Variants in DUSP16 observed in about 807,000 individuals in gnomAD.
DUSP16 encodes the protein dual specificity phosphatase 16.
A neutral mutation model predicts 58.3 loss-of-function variants in DUSP16; 21 were observed. That is an observed-to-expected ratio of 0.36 (90% confidence interval 0.26 to 0.52). The LOEUF (loss-of-function observed/expected upper bound fraction) is 0.52, where lower values mean the gene tolerates loss of function less well. Among genes scored for constraint, DUSP16 ranks in the 20% least tolerant of loss-of-function variants. The probability of loss-of-function intolerance (pLI) is 0.94; values close to 1 mark genes in which losing one functional copy is unlikely to be tolerated. For missense variants in DUSP16, 726 were observed against 819.0 expected (o/e 0.89, Z 1.39); for synonymous variants, 320 against 323.8 (o/e 0.99, Z 0.12).
intron 1 of DUSP16, among the ~76,000 whole-genome samples, chr12:12,554,184 G>A (rs1444756058): frequency 5.0e-5 from 5 of 99,026 alleles, no homozygotes; most frequent in Admixed American, 1.3e-4. Flanking sequence ...GTGACAGAGT[G>A]AAACTGGGTC....
At chr12:12,522,361 C>T (rs1944249851) in intron 1 of DUSP16, among the ~76,000 whole-genome samples, 1 of 152,174 alleles carries the variant, frequency 6.6e-6, no homozygotes, top group Admixed American at 6.5e-5. Context: ...TAAAGCTGAA[C>T]CCAGTGCTTC....
At chr12:12,513,565 G>A (rs896854172) in intron 3 of DUSP16, among the ~76,000 whole-genome samples, 1 of 152,134 alleles carries the variant, frequency 6.6e-6, no homozygotes, top group Non-Finnish European at 1.5e-5. Flanking sequence ...TTCCTCATTT[G>A]TAAATGAAAG....
In DUSP16 at chr12:12,477,072, G is replaced by A. The variant is rs1259179639; in HGVS notation, c.1759C>T (p.Leu587=). ...ASYSAYSCSQ[L]PTCGDQVYSV... ...TAGACTTGGTCTCCGCAAGTGGGCA[G>A]CTGGCTGCAGCTGTAGGCAGAGTAA... Residue 587 remains leucine (L), a synonymous_variant, in exon 7 of 7, where the codon CTG becomes TTG. Coordinates refer to ENST00000298573, the MANE Select transcript of DUSP16 (RefSeq NM_030640.3). The surrounding 1 kb of genome is among the most constrained non-coding windows in gnomAD (Gnocchi z 4.1). The A allele has an allele frequency of 6.2e-7, 1 of 1,614,276 alleles. No homozygotes were observed. Among genetic ancestry groups the A allele is most frequent in the Non-Finnish European group, 8.5e-7 (1 of 1,180,054 alleles).
chr12:12,480,327 A>G lies in DUSP16; in HGVS notation c.711T>C (p.Asn237=), dbSNP rs759246968. 8.7e-6 allele frequency: 14 copies of G among 1,613,884 alleles called. No homozygotes were observed. The African/African-American group carries it at 1.6e-4, about 18-fold the overall frequency. The part of the protein sequence containing the change: ...VDFIEKAKAS[N]GCVLVHCLAG... ...CTAAACAGTGCACTAGAACACATCC[A>G]TTGGAGGCTTTTGCTTTCTCTGTAT... Residue 237 remains asparagine (N), a synonymous_variant, in exon 6 of 7, where the codon AAT becomes AAC. Transcript: ENST00000298573.
chr12:12,539,096 G>A (rs1319720335), intron 1 of DUSP16, among the ~76,000 whole-genome samples: 1 of 152,114 alleles, frequency 6.6e-6, no homozygotes, highest in Admixed American at 6.5e-5. Flanking sequence ...AAGCAGAGGT[G>A]GATCCTTTAC....
intron 5 of DUSP16, among the ~76,000 whole-genome samples, chr12:12,485,168 C>A (rs936538644): frequency 2.6e-5 from 4 of 151,916 alleles, no homozygotes; most frequent in African/African-American, 9.7e-5. Flanking sequence ...TGCCACTACG[C>A]CCAGCTAATT....
At chr12:12,503,087 C>T (rs1359558933) in intron 3 of DUSP16, among the ~76,000 whole-genome samples, 1 of 151,954 alleles carries the variant, frequency 6.6e-6, no homozygotes, top group African/African-American at 2.4e-5. Context: ...GCCCCTCCTA[C>T]TCTAATTTCC....
chr12:12,508,767 G>A (rs1334541141), intron 3 of DUSP16, among the ~76,000 whole-genome samples: 1 of 152,146 alleles, frequency 6.6e-6, no homozygotes, highest in Non-Finnish European at 1.5e-5. Context: ...GTTGGGAAAT[G>A]GGAAATTCTA....
chr12:12,547,828 A>C (rs1490943131), intron 1 of DUSP16, among the ~76,000 whole-genome samples: 1 of 152,220 alleles, frequency 6.6e-6, no homozygotes, highest in Non-Finnish European at 1.5e-5. Flanking sequence ...TGAGATTCCA[A>C]GGAAATCTTA....
chr12:12,527,340 T>G (rs1944321201), intron 1 of DUSP16, among the ~76,000 whole-genome samples: 1 of 150,328 alleles, frequency 6.7e-6, no homozygotes, highest in Non-Finnish European at 1.5e-5. Flanking sequence ...AAGAACTCCT[T>G]AGACTTTGAC....
intron 3 of DUSP16, among the ~76,000 whole-genome samples, chr12:12,508,777 A>G (rs933749656): frequency 6.6e-6 from 1 of 152,346 alleles, no homozygotes; most frequent in Admixed American, 6.5e-5. Context: ...GGGAAATTCT[A>G]TCTAATTTTG....
intron 1 of DUSP16, among the ~76,000 whole-genome samples, chr12:12,531,134 C>T (rs1429698250): frequency 1.3e-5 from 2 of 152,150 alleles, no homozygotes; most frequent in African/African-American, 4.8e-5. Flanking sequence ...GGTATTAAGA[C>T]CAGAGTAAAC....
intron 3 of DUSP16, among the ~76,000 whole-genome samples, chr12:12,512,011 C>T (rs1248551683): frequency 6.6e-6 from 1 of 152,192 alleles, no homozygotes; most frequent in Non-Finnish European, 1.5e-5. Flanking sequence ...GCTCTCTAGT[C>T]TGTTTGTTTC....
rs116234926 is a variant in DUSP16, at chr12:12,480,416, T to C, written c.692-70A>G. The C allele has an allele frequency of 6.8e-4, 1,060 of 1,566,188 alleles. 11 individuals carry two copies. In the African/African-American group the frequency reaches 0.013, roughly 19 times the overall value. On this transcript the variant is annotated intron_variant, in intron 5 of 6. Coordinates refer to ENST00000298573, the MANE Select transcript of DUSP16 (RefSeq NM_030640.3). Reference sequence around the variant, plus strand: ...TCAGCAGTGAAATCTTGTTTCCATTTACTTACTCAGTGTCTTCCACCTGAA... The same window carrying C: ...TCAGCAGTGAAATCTTGTTTCCATTCACTTACTCAGTGTCTTCCACCTGAA...
At chr12:12,485,820 G>A (rs1253427490) in intron 5 of DUSP16, among the ~76,000 whole-genome samples, 2 of 110,584 alleles carry the variant, frequency 1.8e-5, no homozygotes, top group African/African-American at 3.7e-5. Flanking sequence ...TGGAGACAGA[G>A]TCTCACTCTG....
Position 12,487,865 on chromosome 12 carries a change from C to T in DUSP16, c.532-678G>A, listed in dbSNP as rs539200849. ...TAACATCGACCCAGCCAACTAAGCT[C>T]GAGAATAAAATGGGGCTCCTTTCTC... On this transcript the variant is annotated intron_variant, in intron 4 of 6. Transcript: ENST00000298573. Among the ~76,000 whole-genome samples, 8 of 152,260 alleles carry T rather than the reference C, an allele frequency of 5.3e-5. No individual in the cohort carries two copies. In the South Asian group the frequency reaches 1.0e-3, roughly 20 times the overall value.
At chr12:12,516,373 G>T (rs561643370) in intron 3 of DUSP16, among the ~76,000 whole-genome samples, 12 of 152,320 alleles carry the variant, frequency 7.9e-5, no homozygotes, top group Admixed American at 3.3e-4. Context: ...GACTTGGTTA[G>T]TAGGTTATTT....
intron 1 of DUSP16, among the ~76,000 whole-genome samples, chr12:12,532,999 A>C (rs1241711800): frequency 6.6e-6 from 1 of 151,958 alleles, no homozygotes; most frequent in Non-Finnish European, 1.5e-5. Flanking sequence ...ATGGAAATTA[A>C]TGTTTACCCT....
chr12:12,536,068 G>A (rs1231760958), intron 1 of DUSP16, among the ~76,000 whole-genome samples: 2 of 152,192 alleles, frequency 1.3e-5, no homozygotes, highest in Non-Finnish European at 2.9e-5. Context: ...AATGGACTGA[G>A]GTGAGAATAG....
Sources: gnomAD v4.1 joint callset for allele counts (sites outside exome capture counted in the v4.1 genomes callset) on GRCh38, gnomAD v4.1.1 for gene constraint, Gnocchi (gnomAD v3.1) non-coding constraint, MANE v1.5 for transcripts, NCBI Gene and HGNC (gene_info 2026-07-23, HGNC 2026-07-21) for gene names.